The following COBL variants were observed in gnomAD, a reference collection of about 807,000 sequenced individuals.
The protein encoded by COBL is cordon-bleu WH2 repeat protein, also known as protein cordon-bleu.
In COBL, 51 loss-of-function variants were observed where a neutral mutation model predicts 98.8. That is an observed-to-expected ratio of 0.52 (90% CI 0.41 to 0.65). COBL has a LOEUF of 0.65. Among genes scored for constraint, COBL ranks in the 30% least tolerant of loss-of-function variants. The pLI, the probability that COBL is intolerant of heterozygous loss-of-function variation, is 0.00. For missense variants in COBL, 1,617 were observed against 1,617.5 expected, an observed-to-expected ratio of 1.00 and a Z score of 0.01; for synonymous variants, 634 against 651.7, an observed-to-expected ratio of 0.97 and a Z score of 0.41.
chr7:51,257,769 A>C (rs879814471), intron 1 of COBL, among the ~76,000 whole-genome samples: 3 of 152,190 alleles, frequency 2.0e-5, no homozygotes, highest in Non-Finnish European at 4.4e-5. Context: ...AAGAATTTGT[A>C]CACTAGAGCC....
At chr7:51,065,961 G>A (rs1186694953) in intron 7 of COBL, among the ~76,000 whole-genome samples, 1 of 152,266 alleles carries the variant, frequency 6.6e-6, no homozygotes, top group East Asian at 1.9e-4. Flanking sequence ...AGAGGCCTCA[G>A]GAGAAACCAA....
At position 51,191,038 on chromosome 7, in the gene COBL, T is replaced by C; in HGVS notation, c.497A>G (p.Lys166Arg). The part of the protein sequence containing the change: ...RLVVNYLRTQ[K>R]AVVRVSPEVP... The stretch of plus-strand genomic sequence containing the variant: ...CTCAGGGCTCACACGCACAACAGCT[T>C]TTTGTGTCCGCAGGTAATTCACGAC... The change falls in exon 4 of 13, where the codon AAA (lysine) becomes AGA (arginine). Residue 166 changes from lysine to arginine, a missense_variant. Around this residue, in one of 3 missense-constraint regions of COBL, gnomAD observed 75 missense variants for 120.5 expected, o/e 0.62. Coordinates refer to ENST00000265136, the MANE Select transcript of COBL (RefSeq NM_015198.5). 1 of 1,614,152 alleles carries C rather than the reference T, an allele frequency of 6.2e-7. No homozygotes were observed. The highest frequency in any genetic ancestry group is 8.5e-7 in the Non-Finnish European group (1 of 1,180,028).
At chr7:51,092,732 T>C (rs1447339461) in intron 6 of COBL, among the ~76,000 whole-genome samples, 1 of 152,210 alleles carries the variant, frequency 6.6e-6, no homozygotes, top group Non-Finnish European at 1.5e-5. Context: ...TGCCTCCACC[T>C]TTGTTCTTTT....
chr7:51,206,392 T>TGA (rs1253046794), intron 2 of COBL, among the ~76,000 whole-genome samples: 1 of 150,642 alleles, frequency 6.6e-6, no homozygotes, highest in African/African-American at 2.5e-5. Context: ...CTCGGAAGGC[T>TGA]GAGGCAGGAG....
At chr7:51,112,480 T>C (rs999337500) in intron 6 of COBL, among the ~76,000 whole-genome samples, 1 of 152,218 alleles carries the variant, frequency 6.6e-6, no homozygotes, top group African/African-American at 2.4e-5. Context: ...ACTGTTTCCT[T>C]TCTAAGCTCC....
intron 7 of COBL, among the ~76,000 whole-genome samples, chr7:51,076,216 A>C (rs1793059042): frequency 6.6e-6 from 1 of 152,256 alleles, no homozygotes; most frequent in Non-Finnish European, 1.5e-5. Flanking sequence ...CACAAGCTTT[A>C]GAACTAACTG....
rs190101930 is a variant in COBL, at chr7:51,130,076, C to G, written c.957+6082G>C. ...TTCAAAGGAAAACAGGCAGGATTCC[C>G]TGACAGGTTGATGTGGTTGATGTGT... On this transcript the variant is annotated intron_variant, in intron 6 of 12. Coordinates refer to ENST00000265136, the MANE Select transcript of COBL (RefSeq NM_015198.5). Among the ~76,000 whole-genome samples, 225 of 152,236 alleles carry G rather than the reference C, an allele frequency of 1.5e-3. 5 individuals are homozygous for G. Among genetic ancestry groups the G allele is most frequent in the Non-Finnish European group, 1.9e-3 (126 of 68,020 alleles).
At chr7:51,109,165 C>A in intron 6 of COBL, among the ~76,000 whole-genome samples, 1 of 152,186 alleles carries the variant, frequency 6.6e-6, no homozygotes, top group Non-Finnish European at 1.5e-5. Flanking sequence ...AGTTTCTGCA[C>A]ACTCTCGGGC....
intron 2 of COBL, among the ~76,000 whole-genome samples, chr7:51,203,228 C>CTTAAAATCTGAAA (rs1791312376): frequency 8.5e-6 from 1 of 117,572 alleles, no homozygotes; most frequent in Non-Finnish European, 1.7e-5. Context: ...CTTGGGAGGC[C>CTTAAAATCTGAAA]GAGGCGGGCG....
Position 51,234,394 on chromosome 7 carries a change from A to C in COBL, c.42-14450T>G, listed in dbSNP as rs1406811028. On this transcript the variant is annotated intron_variant, in intron 1 of 12. Coordinates refer to ENST00000265136, the MANE Select transcript of COBL (RefSeq NM_015198.5). The stretch of plus-strand genomic sequence containing the variant: ...ATCGGGCTCGCCCACTTCCCAAATA[A>C]CACCACCATCAAGAGTTCCGAAAAG... Among the ~76,000 whole-genome samples, 7 of 152,132 alleles carry C rather than the reference A, an allele frequency of 4.6e-5. No individual in the cohort carries two copies. The East Asian group carries it at 7.7e-4, about 17-fold the overall frequency.
chr7:51,308,957 G>A (rs1446787641), intron 1 of COBL, among the ~76,000 whole-genome samples: 1 of 152,182 alleles, frequency 6.6e-6, no homozygotes, highest in African/African-American at 2.4e-5. Context: ...GTAGGTCAGA[G>A]CTCTATATAA....
At chr7:51,261,141 C>T (rs779160560) in intron 1 of COBL, among the ~76,000 whole-genome samples, 6 of 152,204 alleles carry the variant, frequency 3.9e-5, no homozygotes, top group Non-Finnish European at 8.8e-5. Context: ...CAGTAGATGG[C>T]TTACTCCTCT....
chr7:51,085,039 T>C, intron 7 of COBL, 127 bp downstream of exon 7: 1 of 1,339,122 alleles, frequency 7.5e-7, no homozygotes, highest in Non-Finnish European at 1.0e-6. Flanking sequence ...CCTTCTTTCT[T>C]TAGCATTAAT....
intron 1 of COBL, among the ~76,000 whole-genome samples, chr7:51,240,793 T>A (rs781487901): frequency 6.6e-6 from 1 of 152,212 alleles, no homozygotes; most frequent in Non-Finnish European, 1.5e-5. Flanking sequence ...TCTACCCACC[T>A]CGGCTTCCCA....
Position 51,020,425 on chromosome 7 carries a change from G to A in COBL, c.3769-2857C>T, listed in dbSNP as rs1268457762. Among the ~76,000 whole-genome samples the A allele has an allele frequency of 2.0e-5, 3 of 152,124 alleles. No homozygotes were observed. The South Asian group carries it at 6.2e-4, about 32-fold the overall frequency. On this transcript the variant is annotated intron_variant, in intron 12 of 12. Coordinates refer to ENST00000265136, the MANE Select transcript of COBL (RefSeq NM_015198.5). ...TGAGGGCACAGATGAAGCTTCTTTC[G>A]TCTATCACAAGCAGCTCCGACAGTG...
intron 12 of COBL, among the ~76,000 whole-genome samples, chr7:51,021,634 G>C (rs758992676): frequency 1.4e-4 from 21 of 152,130 alleles, no homozygotes; most frequent in Non-Finnish European, 2.1e-4. Context: ...AGCCAGCATA[G>C]CTTTAAAAGT....
chr7:51,203,325 A>C (rs1791331349), intron 2 of COBL, among the ~76,000 whole-genome samples: 1 of 142,008 alleles, frequency 7.0e-6, no homozygotes, highest in South Asian at 2.4e-4. Context: ...AGCCGGGTGT[A>C]GTGGCGGGCG....
chr7:51,193,783 AAAC>A (rs1404060317), intron 2 of COBL, among the ~76,000 whole-genome samples, 194 bp from the exon 3 acceptor site: 31 of 151,982 alleles, frequency 2.0e-4, no homozygotes, highest in Admixed American at 2.0e-3. Flanking sequence ...CAGCACTAAC[AAAC>A]AACACTATTG....
rs540811862 is a variant in COBL at position 51,312,883 on chromosome 7, T to C, written c.41+3710A>G. 9.2e-5 allele frequency among the ~76,000 whole-genome samples: 14 copies of C among 152,320 alleles called. 1 individual carries two copies. Among genetic ancestry groups the C allele is most frequent in the Admixed American group, 2.6e-4 (4 of 15,302 alleles). ...TCATACTTCAGTTCTATCCCCTTTA[T>C]AGAACCACTGAGAAATAATAAAAAT... On this transcript the variant is annotated intron_variant, in intron 1 of 12. Transcript: ENST00000265136.
Sources: allele counts gnomAD v4.1 joint callset (sites outside exome capture counted in the v4.1 genomes callset), GRCh38; gene constraint gnomAD v4.1.1; regional missense constraint gnomAD v4.1.1; transcripts MANE v1.5; gene names NCBI Gene and HGNC (gene_info 2026-07-23, HGNC 2026-07-21).